Variants in PCDHB16 observed in about 807,000 individuals in gnomAD.
The protein encoded by PCDHB16 is protocadherin beta 16.
For synonymous variants in PCDHB16, 444 were observed against 436.5 expected, an observed-to-expected ratio of 1.02 and a Z score of -0.21; for missense variants, 1,026 against 989.9, an observed-to-expected ratio of 1.04 and a Z score of -0.49.
rs267600432 is a variant in PCDHB16 at position 141,184,574 on chromosome 5, C to T, written c.2015C>T (p.Pro672Leu). 1 of 1,612,244 alleles carries T rather than the reference C, an allele frequency of 6.2e-7. No homozygotes were observed. Among genetic ancestry groups the T allele is most frequent in the Non-Finnish European group, 8.5e-7 (1 of 1,179,788 alleles). The change falls in exon 1 of 1, where the codon CCG (proline) becomes CTG (leucine). Residue 672 changes from proline to leucine, a missense_variant. Pro to Leu is a moderately conservative substitution (Grantham distance 98). Transcript: ENST00000609684. ...GACGGCTTCTCCCAGCCCTTCCTGC[C>T]GCTCCCAGAGGCGGCCCCCGGCCAG... The part of the protein sequence containing the change: ...LVDGFSQPFL[P>L]LPEAAPGQTQ...
Position 141,184,963 on chromosome 5 carries a change from A to G in PCDHB16, c.*73A>G, listed in dbSNP as rs1222770888. The G allele has an allele frequency of 6.5e-7, 1 of 1,544,898 alleles. No individual in the cohort carries two copies. Among genetic ancestry groups the G allele is most frequent in the Non-Finnish European group, 8.7e-7 (1 of 1,148,186 alleles). On this transcript the variant is annotated 3_prime_UTR_variant, in exon 1 of 1. Coordinates refer to ENST00000609684, the MANE Select transcript of PCDHB16 (RefSeq NM_020957.4). The stretch of plus-strand genomic sequence containing the variant: ...TGGATTTAATTATTGATAGGAACCC[A>G]TTTGATAAATTCCTTAACTTCTTAT...
chr5:141,183,042 C>A lies in PCDHB16; in HGVS notation c.483C>A (p.Asp161Glu), dbSNP rs369208372. 2.2e-5 allele frequency: 36 copies of A among 1,613,998 alleles called. No homozygotes were observed. Among genetic ancestry groups the A allele is most frequent in the Non-Finnish European group, 2.9e-5 (34 of 1,180,046 alleles). The change falls in exon 1 of 1, where the codon GAC becomes GAA. Residue 161 changes from aspartate to glutamate, a missense_variant. Asp to Glu is a conservative substitution (Grantham distance 45). Coordinates refer to ENST00000609684, the MANE Select transcript of PCDHB16 (RefSeq NM_020957.4). Reference sequence around the variant, plus strand: ...CTCTGAATCATGCTTTGGACTTGGACGTAGGAAGCAATAATGTTCAAAACT... The same window carrying A: ...CTCTGAATCATGCTTTGGACTTGGAAGTAGGAAGCAATAATGTTCAAAACT... ...EFPLNHALDL[D>E]VGSNNVQNYK...
In PCDHB16 at chr5:141,182,587, A is replaced by G; in HGVS notation, c.28A>G (p.Arg10Gly). 1.3e-6 allele frequency: 2 copies of G among 1,527,324 alleles called. No individual in the cohort carries two copies. The highest frequency in any genetic ancestry group is 8.8e-7 in the Non-Finnish European group (1 of 1,139,984). 94.6% of individuals were successfully genotyped at this position (1,527,324 alleles called of 1,614,324 possible). Residue 10 changes from arginine to glycine, a missense_variant, in exon 1 of 1, where the codon AGA becomes GGA. Coordinates refer to ENST00000609684, the MANE Select transcript of PCDHB16 (RefSeq NM_020957.4). ...GGAGATTGGATGGATGCACAATCGG[A>G]GACAAAGGCAAGTCCTTGTTTTCTT... MEIGWMHNRRQRQVLVFFVL... is the reference protein window; with the variant it reads MEIGWMHNRGQRQVLVFFVL...
Position 141,183,577 on chromosome 5 carries a change from G to C in PCDHB16, c.1018G>C (p.Val340Leu), listed in dbSNP as rs148726932. 6.2e-7 allele frequency: 1 copy of C among 1,614,052 alleles called. No homozygotes were observed. Among genetic ancestry groups the C allele is most frequent in the African/African-American group, 1.3e-5 (1 of 74,922 alleles). Residue 340 changes from valine to leucine, a missense_variant, in exon 1 of 1, where the codon GTG becomes CTG. By Grantham distance (32) the Val-to-Leu change is conservative (BLOSUM62 1). Transcript: ENST00000609684. Reference sequence around the variant, plus strand: ...CACTCTTCTCCTGCAGGTGGTGGACGTGAATGACAATCCCCCACAGGTGAC... The same window carrying C: ...CACTCTTCTCCTGCAGGTGGTGGACCTGAATGACAATCCCCCACAGGTGAC... ...KCTLLLQVVDVNDNPPQVTMS... is the reference protein window; with the variant it reads ...KCTLLLQVVDLNDNPPQVTMS...
chr5:141,184,646 C>G lies in PCDHB16; in HGVS notation c.2087C>G (p.Ser696Trp). The change falls in exon 1 of 1, where the codon TCG (serine) becomes TGG (tryptophan). Residue 696 changes from serine (S) to tryptophan (W), a missense_variant. By Grantham distance (177) the Ser-to-Trp change is radical (BLOSUM62 -3). Coordinates refer to ENST00000609684, the MANE Select transcript of PCDHB16 (RefSeq NM_020957.4). Reference sequence around the variant, plus strand: ...GTCTACCTGGTGGTGGCGTTGGCCTCGGTGTCGTCGCTCTTCCTCTTTTCG... The same window carrying G: ...GTCTACCTGGTGGTGGCGTTGGCCTGGGTGTCGTCGCTCTTCCTCTTTTCG... The part of the protein sequence containing the change: ...LTVYLVVALA[S>W]VSSLFLFSVL... 3 of 1,612,334 alleles carry G rather than the reference C, an allele frequency of 1.9e-6. No individual in the cohort carries two copies. Among genetic ancestry groups the G allele is most frequent in the Non-Finnish European group, 2.5e-6 (3 of 1,179,488 alleles).
Position 141,183,662 on chromosome 5 carries a change from T to A in PCDHB16, c.1103T>A (p.Phe368Tyr). 6.8e-6 allele frequency: 11 copies of A among 1,614,198 alleles called. No homozygotes were observed. Among genetic ancestry groups the A allele is most frequent in the Non-Finnish European group, 8.5e-6 (10 of 1,180,034 alleles). The change falls in exon 1 of 1, where the codon TTC becomes TAC. Residue 368 changes from phenylalanine to tyrosine, a missense_variant. By Grantham distance (22) the Phe-to-Tyr change is conservative. Transcript: ENST00000609684. ...ENSPEIVVAV[F>Y]SVSDPDSGNN... ...TCGCCTGAGATAGTAGTTGCTGTTT[T>A]CAGCGTTTCAGATCCTGACTCCGGA...
Position 141,184,646 on chromosome 5 carries a change from C to T in PCDHB16, c.2087C>T (p.Ser696Leu), listed in dbSNP as rs138310875. ...GTCTACCTGGTGGTGGCGTTGGCCT[C>T]GGTGTCGTCGCTCTTCCTCTTTTCG... ...LTVYLVVALA[S>L]VSSLFLFSVL... Residue 696 changes from serine (S) to leucine (L), a missense_variant, in exon 1 of 1, where the codon TCG becomes TTG. Physicochemically the swap from Ser to Leu is moderately radical, Grantham distance 145 (BLOSUM62 -2). Transcript: ENST00000609684. The T allele has an allele frequency of 1.7e-5, 27 of 1,612,214 alleles. No homozygotes were observed. The African/African-American group carries it at 3.2e-4, about 19-fold the overall frequency.
chr5:141,183,889 G>A lies in PCDHB16; in HGVS notation c.1330G>A (p.Val444Ile). 6.2e-7 allele frequency: 1 copy of A among 1,614,170 alleles called. No individual in the cohort carries two copies. Among genetic ancestry groups the A allele is most frequent in the Non-Finnish European group, 8.5e-7 (1 of 1,180,028 alleles). Reference protein sequence around the residue: ...EHNITVQISDVNDNAPTFTQT... With the variant: ...EHNITVQISDINDNAPTFTQT... ...CAACATAACAGTGCAGATATCAGAT[G>A]TCAATGATAACGCCCCCACTTTCAC... The change falls in exon 1 of 1, where the codon GTC (valine) becomes ATC (isoleucine). Residue 444 changes from valine (V) to isoleucine (I), a missense_variant. By Grantham distance (29) the Val-to-Ile change is conservative (BLOSUM62 3). Coordinates refer to ENST00000609684, the MANE Select transcript of PCDHB16 (RefSeq NM_020957.4).
chr5:141,183,540 TTC>T lies in PCDHB16; in HGVS notation c.982_983del (p.Ser328ArgfsTer14), dbSNP rs781888733. The T allele has an allele frequency of 6.2e-6, 10 of 1,614,154 alleles. No individual in the cohort carries two copies. In the East Asian group the frequency reaches 2.2e-4, roughly 36 times the overall value. On this transcript the variant is annotated frameshift_variant, in exon 1 of 1. Coordinates refer to ENST00000609684, the MANE Select transcript of PCDHB16 (RefSeq NM_020957.4). LOFTEE classifies it low-confidence loss of function (END_TRUNC). Reference sequence around the variant, plus strand: ...TCAAAGCCACAGATGGGGGAGGTCTTTCAGGAAAGTGCACTCTTCTCCTGCAG... The same window carrying T: ...TCAAAGCCACAGATGGGGGAGGTCTTAGGAAAGTGCACTCTTCTCCTGCAG... ...RIKATDGGGL[S>X]GKCTLLLQVV... is the part of the protein sequence containing the mutation.
chr5:141,186,189 T>C lies in PCDHB16; in HGVS notation c.*1299T>C. 1.0e-6 allele frequency: 1 copy of C among 992,156 alleles called. No homozygotes were observed. Among genetic ancestry groups the C allele is most frequent in the Non-Finnish European group, 1.2e-6 (1 of 822,774 alleles). 61.5% of individuals were successfully genotyped at this position (992,156 alleles called of 1,614,324 possible). A position where few individuals can be genotyped will look rare whatever the true frequency, so the allele number is the denominator to read the frequency against. ...TAAAGTTGAGCTTCTTTCTAGATAT[T>C]AGGCCTTTGAATAAAATTCTATGTG... is the stretch of plus-strand genomic sequence containing the variant. On this transcript the variant is annotated 3_prime_UTR_variant, in exon 1 of 1. Coordinates refer to ENST00000609684, the MANE Select transcript of PCDHB16 (RefSeq NM_020957.4).
At position 141,183,931 on chromosome 5, in the gene PCDHB16, C is replaced by A; in HGVS notation, c.1372C>A (p.Leu458Met). ...CACTTTCACCCAAACCTCCTACACC[C>A]TGTTCGTCCGCGAGAACAACAGCCC... ...APTFTQTSYT[L>M]FVRENNSPAL... The change falls in exon 1 of 1, where the codon CTG (leucine) becomes ATG (methionine). Residue 458 changes from leucine to methionine, a missense_variant. By Grantham distance (15) the Leu-to-Met change is conservative (BLOSUM62 2). Transcript: ENST00000609684. 6.2e-7 allele frequency: 1 copy of A among 1,614,026 alleles called. No homozygotes were observed. Among genetic ancestry groups the A allele is most frequent in the Non-Finnish European group, 8.5e-7 (1 of 1,180,002 alleles).
Position 141,184,656 on chromosome 5 carries a change from G to A in PCDHB16, c.2097G>A (p.Ser699=). The A allele has an allele frequency of 6.2e-7, 1 of 1,611,324 alleles. No homozygotes were observed. Among genetic ancestry groups the A allele is most frequent in the South Asian group, 1.1e-5 (1 of 90,968 alleles). ...TGGTGGCGTTGGCCTCGGTGTCGTC[G>A]CTCTTCCTCTTTTCGGTGCTCCTGT... ...YLVVALASVS[S]LFLFSVLLFV... Residue 699 remains serine (S), a synonymous_variant, in exon 1 of 1, where the codon TCG becomes TCA. Transcript: ENST00000609684.
rs782105142 is a variant in PCDHB16 at position 141,183,446 on chromosome 5, C to T, written c.887C>T (p.Pro296Leu). ...ATTAGTAAAACTTTGGAGGTAAATC[C>T]TATGACAGGGGAAGTTCGACTGAGA... is the stretch of plus-strand genomic sequence containing the variant. Reference protein sequence around the residue: ...EDISKTLEVNPMTGEVRLRKQ... With the variant: ...EDISKTLEVNLMTGEVRLRKQ... Residue 296 changes from proline (P) to leucine (L), a missense_variant, in exon 1 of 1, where the codon CCT becomes CTT. By Grantham distance (98) the Pro-to-Leu change is moderately conservative (BLOSUM62 -3). Transcript: ENST00000609684. 7.4e-6 allele frequency: 12 copies of T among 1,614,004 alleles called. No homozygotes were observed. The Admixed American group carries it at 1.7e-4, about 22-fold the overall frequency.
chr5:141,186,187 A>G lies in PCDHB16; in HGVS notation c.*1297A>G, dbSNP rs1039522024. ...TGTAAAGTTGAGCTTCTTTCTAGAT[A>G]TTAGGCCTTTGAATAAAATTCTATG... On this transcript the variant is annotated 3_prime_UTR_variant, in exon 1 of 1. Coordinates refer to ENST00000609684, the MANE Select transcript of PCDHB16 (RefSeq NM_020957.4). 2.0e-6 allele frequency: 2 copies of G among 992,046 alleles called. No homozygotes were observed. The highest frequency in any genetic ancestry group is 1.8e-5 in the African/African-American group (1 of 57,062). The allele number at this position is 992,046 out of a possible 1,614,324, so 61.5% of individuals were successfully genotyped here.
chr5:141,182,981 A>G lies in PCDHB16; in HGVS notation c.422A>G (p.Lys141Arg). 1 of 1,614,198 alleles carries G rather than the reference A, an allele frequency of 6.2e-7. No homozygotes were observed. Among genetic ancestry groups the G allele is most frequent in the Non-Finnish European group, 8.5e-7 (1 of 1,180,008 alleles). Residue 141 changes from lysine to arginine, a missense_variant, in exon 1 of 1, where the codon AAA becomes AGA. Lys to Arg is a conservative substitution (Grantham distance 26). Transcript: ENST00000609684. Reference protein sequence around the residue: ...PMFTEKEMILKIPENSPLGTE... With the variant: ...PMFTEKEMILRIPENSPLGTE... Reference sequence around the variant, plus strand: ...TTCACTGAAAAGGAAATGATTCTAAAAATACCGGAAAACAGTCCTCTAGGA... The same window carrying G: ...TTCACTGAAAAGGAAATGATTCTAAGAATACCGGAAAACAGTCCTCTAGGA...
rs1753725438 is a variant in PCDHB16, at chr5:141,186,034, A to C, written c.*1144A>C. ...TAACAACTCAATCTCATTAAGTTGG[A>C]AAAAAAACTTATCAAAGAGACATTT... On this transcript the variant is annotated 3_prime_UTR_variant, in exon 1 of 1. Coordinates refer to ENST00000609684, the MANE Select transcript of PCDHB16 (RefSeq NM_020957.4). The C allele has an allele frequency of 3.0e-6, 3 of 989,212 alleles. No individual in the cohort carries two copies. The highest frequency in any genetic ancestry group is 1.1e-3 in the Middle Eastern group (2 of 1,904). 61.3% of individuals were successfully genotyped at this position (989,212 alleles called of 1,614,324 possible). A position where few individuals can be genotyped will look rare whatever the true frequency, so the allele number is the denominator to read the frequency against.
rs968237192 is a variant in PCDHB16 at position 141,182,454 on chromosome 5, G to A, written c.-106G>A. 60 of 977,714 alleles carry A rather than the reference G, an allele frequency of 6.1e-5. No homozygotes were observed. The highest frequency in any genetic ancestry group is 5.0e-4 in the Admixed American group (19 of 38,328). The allele number at this position is 977,714 out of a possible 1,614,324, so 60.6% of individuals were successfully genotyped here. On this transcript the variant is annotated 5_prime_UTR_variant, in exon 1 of 1. Transcript: ENST00000609684. ...GAACGTGAGTGTGAAACCTCTTTAA[G>A]ACACCGTTGGGCTGCTTGGTTCTGA...
chr5:141,183,166 G>T lies in PCDHB16; in HGVS notation c.607G>T (p.Glu203Ter). The change falls in exon 1 of 1, where the codon GAG (glutamate) becomes TAG (stop). Residue 203 changes from glutamate (E) to a stop codon, truncating the protein, a stop_gained. Coordinates refer to ENST00000609684, the MANE Select transcript of PCDHB16 (RefSeq NM_020957.4). LOFTEE classifies it low-confidence loss of function (END_TRUNC). Reference protein sequence around the residue: ...ELVLDKELDREEEPQLRLTLT... With the variant: ...ELVLDKELDR ...AGTGTTGGATAAAGAGCTGGATCGG[G>T]AGGAGGAGCCTCAACTAAGATTAAC... is the stretch of plus-strand genomic sequence containing the variant. 6.2e-7 allele frequency: 1 copy of T among 1,614,178 alleles called. No individual in the cohort carries two copies. The highest frequency in any genetic ancestry group is 8.5e-7 in the Non-Finnish European group (1 of 1,179,996).
rs1588363539 is a variant in PCDHB16, at chr5:141,186,196, T to C, written c.*1306T>C. 2 of 991,176 alleles carry C rather than the reference T, an allele frequency of 2.0e-6. No individual in the cohort carries two copies. The highest frequency in any genetic ancestry group is 4.8e-5 in the South Asian group (1 of 21,048). 61.4% of individuals were successfully genotyped at this position (991,176 alleles called of 1,614,324 possible). A position where few individuals can be genotyped will look rare whatever the true frequency, so the allele number is the denominator to read the frequency against. The stretch of plus-strand genomic sequence containing the variant: ...GAGCTTCTTTCTAGATATTAGGCCT[T>C]TGAATAAAATTCTATGTGAGTCAGA... On this transcript the variant is annotated 3_prime_UTR_variant, in exon 1 of 1. Transcript: ENST00000609684.
Sources: gnomAD v4.1 joint callset for allele counts on GRCh38, gnomAD v4.1.1 for gene constraint, MANE v1.5 for transcripts, NCBI Gene and HGNC (gene_info 2026-07-23, HGNC 2026-07-21) for gene names.